Variants in SPOCK1 observed in about 807,000 individuals in gnomAD.
The protein encoded by SPOCK1 is testican-1.
Under a neutral mutation model 55.3 loss-of-function variants are expected in SPOCK1, and 23 were observed. That is an observed-to-expected ratio of 0.42 (90% CI 0.30 to 0.59). The LOEUF (loss-of-function observed/expected upper bound fraction) is 0.59, where lower values mean the gene tolerates loss of function less well. Ranked by LOEUF, SPOCK1 falls within the 20% of genes least tolerant of loss-of-function variation. The pLI, the probability that SPOCK1 is intolerant of heterozygous loss-of-function variation, is 0.22. For missense variants in SPOCK1, 499 were observed against 552.5 expected (o/e 0.90, Z 0.97); for synonymous variants, 226 against 221.0 (o/e 1.02, Z -0.20).
At chr5:137,259,915 C>T (rs997752861) in intron 3 of SPOCK1, among the ~76,000 whole-genome samples, 2 of 152,094 alleles carry the variant, frequency 1.3e-5, no homozygotes, top group African/African-American at 4.8e-5. Flanking sequence ...CATTTAATTC[C>T]ATTGGTTTTA....
Position 137,485,677 on chromosome 5 carries a change from G to T in SPOCK1, c.186+12696C>A, listed in dbSNP as rs116566247. The stretch of plus-strand genomic sequence containing the variant: ...TAACTGCCCTTCAACAATATAACAG[G>T]TAAATAAATTGTGGAATATTTATAC... On this transcript the variant is annotated intron_variant, in intron 2 of 10. Transcript: ENST00000394945. Among the ~76,000 whole-genome samples, 237 of 151,776 alleles carry T rather than the reference G, an allele frequency of 1.6e-3. 1 individual carries two copies. Among genetic ancestry groups the T allele is most frequent in the African/African-American group, 5.5e-3 (226 of 41,332 alleles).
intron 2 of SPOCK1, among the ~76,000 whole-genome samples, chr5:137,361,412 A>G (rs1205113091): frequency 2.6e-5 from 4 of 152,208 alleles, no homozygotes; most frequent in Non-Finnish European, 5.9e-5. Flanking sequence ...AGGGTCTGGG[A>G]TATAAGAGGC....
chr5:137,458,398 G>A (rs781751936), intron 2 of SPOCK1, among the ~76,000 whole-genome samples: 1 of 152,148 alleles, frequency 6.6e-6, no homozygotes, highest in Non-Finnish European at 1.5e-5. Context: ...TGTTACTATT[G>A]TTTTTGTAAT....
At chr5:137,168,491 C>T (rs1315770857) in intron 3 of SPOCK1, among the ~76,000 whole-genome samples, 1 of 151,960 alleles carries the variant, frequency 6.6e-6, no homozygotes, top group Admixed American at 6.6e-5. Flanking sequence ...ATAAGGAGGT[C>T]AAACAACTCT....
chr5:137,289,539 GACA>G (rs1283397156), intron 2 of SPOCK1, among the ~76,000 whole-genome samples: 2 of 152,178 alleles, frequency 1.3e-5, no homozygotes, highest in African/African-American at 2.4e-5. Flanking sequence ...AGGGGAGAAA[GACA>G]ACAAGTTTCC....
intron 2 of SPOCK1, among the ~76,000 whole-genome samples, chr5:137,427,059 A>G (rs1264850718): frequency 1.3e-5 from 2 of 152,296 alleles, no homozygotes; most frequent in South Asian, 2.1e-4. Context: ...ACTAGAAATA[A>G]TGTGTGTCAC....
intron 4 of SPOCK1, among the ~76,000 whole-genome samples, chr5:137,133,189 G>A (rs563761938): frequency 9.2e-5 from 14 of 152,076 alleles, no homozygotes; most frequent in Non-Finnish European, 1.9e-4. Context: ...CTAACACAGC[G>A]AAACCCCACC....
chr5:137,294,606 C>T (rs1237103587), intron 2 of SPOCK1, among the ~76,000 whole-genome samples: 1 of 152,192 alleles, frequency 6.6e-6, no homozygotes, highest in Non-Finnish European at 1.5e-5. Context: ...CCATTATTTT[C>T]CACATATCAG....
intron 2 of SPOCK1, among the ~76,000 whole-genome samples, chr5:137,452,336 C>T (rs560726623): frequency 4.1e-4 from 63 of 152,212 alleles, no homozygotes; most frequent in African/African-American, 1.4e-3. Flanking sequence ...TGTTGCTGTA[C>T]ATACTAAGAA....
intron 2 of SPOCK1, among the ~76,000 whole-genome samples, chr5:137,417,201 T>G (rs943740971): frequency 6.6e-6 from 1 of 152,104 alleles, no homozygotes; most frequent in Non-Finnish European, 1.5e-5. Flanking sequence ...TTCAGTTTTT[T>G]TTCTCATATG....
chr5:137,186,695 C>T (rs190791661), intron 3 of SPOCK1, among the ~76,000 whole-genome samples: 7 of 152,322 alleles, frequency 4.6e-5, no homozygotes, highest in Admixed American at 3.9e-4. Flanking sequence ...GTGTTCTCTG[C>T]ACTCCTTTCA....
At chr5:137,156,421 A>G (rs1258983846) in intron 3 of SPOCK1, among the ~76,000 whole-genome samples, 1 of 152,188 alleles carries the variant, frequency 6.6e-6, no homozygotes, top group Non-Finnish European at 1.5e-5. Context: ...ACACATCGCC[A>G]TAGCAACCCC....
intron 2 of SPOCK1, among the ~76,000 whole-genome samples, chr5:137,482,458 T>C (rs1207375292): frequency 1.3e-5 from 2 of 152,244 alleles, no homozygotes; most frequent in East Asian, 1.9e-4. Context: ...AAAGAGAAGA[T>C]GCTCCCCCAG....
chr5:137,434,422 G>A (rs1752811721), intron 2 of SPOCK1, among the ~76,000 whole-genome samples: 1 of 148,876 alleles, frequency 6.7e-6, no homozygotes, highest in Non-Finnish European at 1.5e-5. Context: ...CAAGGAAGTA[G>A]GTACAAATCC....
At chr5:137,109,118 C>T (rs1753418182) in intron 5 of SPOCK1, among the ~76,000 whole-genome samples, 1 of 152,166 alleles carries the variant, frequency 6.6e-6, no homozygotes, top group African/African-American at 2.4e-5. Flanking sequence ...ATGTACAATA[C>T]GCCACTTGCC....
At chr5:137,313,507 G>A (rs891626211) in intron 2 of SPOCK1, 3 of 985,268 alleles carry the variant, frequency 3.0e-6, no homozygotes, top group Non-Finnish European at 3.6e-6. Flanking sequence ...AAGGACACCA[G>A]CAGCCTCAGA....
chr5:137,386,560 G>C (rs189449392), intron 2 of SPOCK1, among the ~76,000 whole-genome samples: 1 of 152,218 alleles, frequency 6.6e-6, no homozygotes, highest in African/African-American at 2.4e-5. Context: ...GAAGCAAATG[G>C]GTAAAAGGTA....
In SPOCK1 at chr5:136,978,567, T is replaced by C; in HGVS notation, c.*87A>G. ...GAGAGCAACAATGGAGAAGAGACCT[T>C]GGTGCCTTGGAGTCTTAGATACAAA... is the stretch of plus-strand genomic sequence containing the variant. On this transcript the variant is annotated 3_prime_UTR_variant, in exon 11 of 11. Transcript: ENST00000394945. The C allele has an allele frequency of 7.0e-7, 1 of 1,425,982 alleles. No homozygotes were observed. Among genetic ancestry groups the C allele is most frequent in the African/African-American group, 1.4e-5 (1 of 69,976 alleles). The allele number at this position is 1,425,982 out of a possible 1,614,324, so 88.3% of individuals were successfully genotyped here.
intron 3 of SPOCK1, among the ~76,000 whole-genome samples, chr5:137,244,767 C>T (rs1756361854): frequency 6.6e-6 from 1 of 152,150 alleles, no homozygotes; most frequent in East Asian, 1.9e-4. Flanking sequence ...AGGTGCTGGG[C>T]ACCTGCTGGT....
Sources: gnomAD v4.1 joint callset for allele counts (sites outside exome capture counted in the v4.1 genomes callset) on GRCh38, gnomAD v4.1.1 for gene constraint, MANE v1.5 for transcripts, NCBI Gene and HGNC (gene_info 2026-07-23, HGNC 2026-07-21) for gene names.